The following PDE4DIP variants were observed in gnomAD, a reference collection of about 807,000 sequenced individuals.
The protein encoded by PDE4DIP is myomegalin.
In PDE4DIP, 59 loss-of-function variants were observed where a neutral mutation model predicts 221.4. The observed-to-expected ratio is 0.27, with a 90% CI of 0.22 to 0.33. The LOEUF (loss-of-function observed/expected upper bound fraction) is 0.33. Ranked by LOEUF, PDE4DIP falls within the 10% of genes least tolerant of loss-of-function variation. The pLI, the probability that PDE4DIP is intolerant of heterozygous loss-of-function variation, is 1.00. For synonymous variants in PDE4DIP, 404 were observed against 815.9 expected (o/e 0.50, Z 8.60); for missense variants, 1,036 against 2,154.2 (o/e 0.48, Z 10.28).
chr1:148,838,427 G>A (rs1553375289), intron 1 of PDE4DIP, among the ~76,000 whole-genome samples: 1 of 36,228 alleles, frequency 2.8e-5, no homozygotes, highest in Non-Finnish European at 6.9e-5. Context: ...CATGGGTCTA[G>A]CTGTCACATC....
intron 21 of PDE4DIP, chr1:148,985,843 G>A (rs2061822554): frequency 6.6e-6 from 1 of 152,110 alleles, no homozygotes; most frequent in African/African-American, 2.4e-5. Context: ...ATAATATGGA[G>A]AATAGGGGTT....
chr1:149,024,402 T>C, intron 37 of PDE4DIP, 43 bp from the exon 41 acceptor site: 1 of 1,547,748 alleles, frequency 6.5e-7, no homozygotes, highest in Non-Finnish European at 8.8e-7. Context: ...GACAAGTGCT[T>C]GGAAATACTT....
chr1:149,016,121 G>A (rs677338), intron 32 of PDE4DIP, among the ~76,000 whole-genome samples, 178 bp from the exon 36 acceptor site: 3,573 of 141,780 alleles, frequency 0.025, 63 homozygotes, highest in Non-Finnish European at 0.039. Flanking sequence ...TACAAAGGGT[G>A]AGAGTTACAA....
intron 1 of PDE4DIP, among the ~76,000 whole-genome samples, chr1:148,915,154 G>GTTTC (rs1453658719): frequency 4.6e-5 from 7 of 151,596 alleles, no homozygotes; most frequent in African/African-American, 1.5e-4. Context: ...TTGTTTGTTT[G>GTTTC]TTTGTTTGTT....
At chr1:148,953,527 C>A (rs1215397217) in intron 5 of PDE4DIP, 1 of 1,614,110 alleles carries the variant, frequency 6.2e-7, no homozygotes, top group East Asian at 2.2e-5. Context: ...ATGCAAGCGT[C>A]CAGGCTAGCC....
chr1:148,969,856 A>AC (rs2058875449), intron 14 of PDE4DIP, among the ~76,000 whole-genome samples: 5 of 151,734 alleles, frequency 3.3e-5, no homozygotes. Context: ...ACAGGCATGC[A>AC]CCACCATGCC....
chr1:148,938,670 GT>G (rs1406186126), intron 5 of PDE4DIP, among the ~76,000 whole-genome samples: 1 of 152,148 alleles, frequency 6.6e-6, no homozygotes, highest in African/African-American at 2.4e-5. Flanking sequence ...CATATTCTCT[GT>G]TTGTATATAT....
At chr1:149,021,409 A>G (rs1553619111) in intron 37 of PDE4DIP, 4 of 433,166 alleles carry the variant, frequency 9.2e-6, no homozygotes, top group Non-Finnish European at 1.6e-5. Context: ...CAATGTCTAG[A>G]TTGTAACATT....
At chr1:148,820,174 G>A (rs1396744254) in intron 1 of PDE4DIP, among the ~76,000 whole-genome samples, 4 of 84,590 alleles carry the variant, frequency 4.7e-5, no homozygotes, top group Non-Finnish European at 9.6e-5. Context: ...TGATCCGCCC[G>A]CCTCGGCCTC....
chr1:148,915,388 TC>T (rs1311659429), intron 1 of PDE4DIP: 1 of 400,248 alleles, frequency 2.5e-6, no homozygotes, highest in African/African-American at 2.1e-5. Flanking sequence ...GACCTCGTGA[TC>T]CGCCCACCTC....
chr1:149,026,312 G>T (rs1437687054), intron 38 of PDE4DIP: 2 of 154,648 alleles, frequency 1.3e-5, no homozygotes, highest in African/African-American at 4.9e-5. Flanking sequence ...AGTCCCCCAT[G>T]AATCCATTCA....
intron 23 of PDE4DIP, among the ~76,000 whole-genome samples, chr1:148,998,775 C>T (rs78130117): frequency 6.0e-5 from 9 of 149,388 alleles, no homozygotes; most frequent in Middle Eastern, 3.4e-3. Flanking sequence ...CTCGCTCTGT[C>T]GCCCAGGCTG....
rs782639053 is a variant in PDE4DIP at position 149,010,513 on chromosome 1, G to A, written c.4998G>A (p.Gly1666=). ...CATCATCAACCAGTGCATCTCAGGG[G>A]GCTAAGGCCGAATCCAACAGCAACC... Residue 1666 remains glycine (G), a synonymous_variant, in exon 31 of 44, where the codon GGG becomes GGA. Coordinates refer to ENST00000369354, the Ensembl canonical transcript of PDE4DIP. 22 of 1,612,956 alleles carry A rather than the reference G, an allele frequency of 1.4e-5. No individual in the cohort carries two copies. In the South Asian group the frequency reaches 2.3e-4, roughly 17 times the overall value.
At chr1:148,955,867 C>G (rs1427968384) in intron 5 of PDE4DIP, among the ~76,000 whole-genome samples, 2 of 151,376 alleles carry the variant, frequency 1.3e-5, no homozygotes, top group Admixed American at 6.6e-5. Flanking sequence ...TCTAGAAAAA[C>G]AAAAATTAGG....
At chr1:149,032,076 T>C (rs1553638970) in exon 44 of PDE4DIP, 1 of 1,607,950 alleles carries the variant, frequency 6.2e-7, no homozygotes, top group Non-Finnish European at 8.5e-7. Flanking sequence ...TTTGTGCAGC[T>C]ACCTATCTGC....
intron 5 of PDE4DIP, chr1:148,953,174 G>T: frequency 6.2e-7 from 1 of 1,614,122 alleles, no homozygotes; most frequent in Non-Finnish European, 8.5e-7. Flanking sequence ...GCTCCAGGAG[G>T]ACTTCGCCTA....
chr1:148,996,457 C>G (rs1275506961), intron 22 of PDE4DIP, among the ~76,000 whole-genome samples: 1 of 152,196 alleles, frequency 6.6e-6, no homozygotes, highest in East Asian at 1.9e-4. Context: ...CCTGATTAAG[C>G]CTGCCAGCAG....
intron 23 of PDE4DIP, among the ~76,000 whole-genome samples, chr1:148,998,679 C>T (rs1575099158): frequency 6.8e-6 from 1 of 146,588 alleles, no homozygotes; most frequent in East Asian, 2.2e-4. Context: ...TCCCTGCTAC[C>T]TAATATGTCT....
intron 17 of PDE4DIP, among the ~76,000 whole-genome samples, chr1:148,976,269 G>T (rs1272852477): frequency 1.3e-5 from 2 of 152,116 alleles, no homozygotes; most frequent in Non-Finnish European, 2.9e-5. Flanking sequence ...AAAATAACTT[G>T]TCTTACCATA....
Sources: gnomAD v4.1 joint callset for allele counts (sites outside exome capture counted in the v4.1 genomes callset) on GRCh38, gnomAD v4.1.1 for gene constraint, MANE v1.5 for transcripts, NCBI Gene and HGNC (gene_info 2026-07-23, HGNC 2026-07-21) for gene names.